INPP5D: variants seen among roughly 807,000 people sequenced by gnomAD.
INPP5D encodes phosphatidylinositol 3,4,5-trisphosphate 5-phosphatase 1.
Under a neutral mutation model 122.9 loss-of-function variants are expected in INPP5D, and 33 were observed. The ratio of observed to expected loss-of-function variants is 0.27; its 90% confidence interval spans 0.20 to 0.36. The LOEUF is 0.36. Ranked by LOEUF, INPP5D falls within the 10% of genes least tolerant of loss-of-function variation. The pLI, the probability that INPP5D is intolerant of heterozygous loss-of-function variation, is 1.00. For synonymous variants in INPP5D, 584 were observed against 576.2 expected (o/e 1.01, Z -0.19); for missense variants, 1,053 against 1,412.7 (o/e 0.75, Z 4.08).
intron 2 of INPP5D, among the ~76,000 whole-genome samples, chr2:233,108,464 T>A (rs1332502399): frequency 6.6e-6 from 1 of 152,280 alleles, no homozygotes; most frequent in East Asian, 1.9e-4. Flanking sequence ...GCATCACATA[T>A]GTGGGCGCAT....
At chr2:233,118,732 TG>T (rs1692877435) in intron 2 of INPP5D, among the ~76,000 whole-genome samples, 1 of 152,228 alleles carries the variant, frequency 6.6e-6, no homozygotes, top group African/African-American at 2.4e-5. Context: ...GTAGACCTGC[TG>T]TGTTCTTCCT....
intron 18 of INPP5D, among the ~76,000 whole-genome samples, chr2:233,180,860 G>T (rs1405419739): frequency 6.7e-6 from 1 of 150,308 alleles, no homozygotes; most frequent in African/African-American, 2.5e-5. Flanking sequence ...TTTTAGTAGA[G>T]ACGGGGTTTT....
At chr2:233,169,935 C>T (rs1376400283) in intron 14 of INPP5D, 91 bp from the exon 15 acceptor site, 8 of 1,590,682 alleles carry the variant, frequency 5.0e-6, no homozygotes, top group Admixed American at 1.7e-5. Flanking sequence ...CTATGCTCCT[C>T]GCCCCACACC....
chr2:233,182,814 C>T (rs914706089), intron 19 of INPP5D, among the ~76,000 whole-genome samples: 2 of 150,762 alleles, frequency 1.3e-5, no homozygotes, highest in Admixed American at 1.3e-4. Context: ...GAGGAGGGGG[C>T]GGGGGACATG....
At chr2:233,126,427 C>T (rs1041359894) in intron 4 of INPP5D, among the ~76,000 whole-genome samples, 23 of 152,156 alleles carry the variant, frequency 1.5e-4, no homozygotes, top group Non-Finnish European at 2.1e-4. Context: ...GGGACACATA[C>T]GCCACCGGGT....
In INPP5D at chr2:233,082,293, C is replaced by A. The variant is rs1691713201; in HGVS notation, c.198+2895C>A. Among the ~76,000 whole-genome samples, 1 of 152,154 alleles carries A rather than the reference C, an allele frequency of 6.6e-6. No individual in the cohort carries two copies. The highest frequency in any genetic ancestry group is 2.1e-4 in the South Asian group (1 of 4,832). On this transcript the variant is annotated intron_variant, in intron 2 of 26. Coordinates refer to ENST00000445964, the MANE Select transcript of INPP5D (RefSeq NM_001017915.3). This position sits in a 1 kb window ranked among gnomAD's most constrained non-coding sequence, Gnocchi z 4.7. ...TGAGGACCAAGTGCACACTCATGCC[C>A]AATTAAGCAGACTCAGAGCCCTTCG...
At chr2:233,145,837 G>A in intron 6 of INPP5D, 1 of 496,678 alleles carries the variant, frequency 2.0e-6, no homozygotes, top group South Asian at 1.6e-5. Context: ...GGAACACCAT[G>A]CAGCAGGTGT....
intron 14 of INPP5D, 141 bp downstream of exon 14, chr2:233,169,542 A>G: frequency 7.5e-7 from 1 of 1,334,094 alleles, no homozygotes; most frequent in East Asian, 2.5e-5. Context: ...GGCCCACCAC[A>G]GTCTCATCAA....
intron 2 of INPP5D, among the ~76,000 whole-genome samples, chr2:233,120,144 T>C (rs185093608): frequency 6.6e-6 from 1 of 152,322 alleles, no homozygotes; most frequent in African/African-American, 2.4e-5. Flanking sequence ...AGTGAGATCC[T>C]TGACTTCTAA....
rs1694972830 is a variant in INPP5D at position 233,188,484 on chromosome 2, T to C, written c.2359-1366T>C. Among the ~76,000 whole-genome samples the C allele has an allele frequency of 7.2e-5, 11 of 152,168 alleles. No homozygotes were observed. ...TAGCTTAGAGCCTGACATCACCTCA[T>C]GCCAGGAGCCAAGTGATAATTGGTG... On this transcript the variant is annotated intron_variant, in intron 21 of 26. Coordinates refer to ENST00000445964, the MANE Select transcript of INPP5D (RefSeq NM_001017915.3). The surrounding 1 kb of genome is among the most constrained non-coding windows in gnomAD (Gnocchi z 4.7).
Position 233,170,945 on chromosome 2 carries a change from A to T in INPP5D, c.1901-119A>T. On this transcript the variant is annotated intron_variant, in intron 16 of 26. Transcript: ENST00000445964. The surrounding 1 kb of genome is among the most constrained non-coding windows in gnomAD (Gnocchi z 4.5). ...AAAAAGCAGCAGCCTCTCCTCTTGG[A>T]GCCTTTCCAGCCATCCTTTCGTCCC... is the stretch of plus-strand genomic sequence containing the variant. 1.8e-6 allele frequency: 2 copies of T among 1,137,336 alleles called. No homozygotes were observed. The highest frequency in any genetic ancestry group is 2.5e-6 in the Non-Finnish European group (2 of 811,158). The allele number at this position is 1,137,336 out of a possible 1,614,324, so 70.5% of individuals were successfully genotyped here. A position where few individuals can be genotyped will look rare whatever the true frequency, so the allele number is the denominator to read the frequency against.
chr2:233,128,290 C>T lies in INPP5D; in HGVS notation c.525-2218C>T, dbSNP rs1179477616. On this transcript the variant is annotated intron_variant, in intron 4 of 26. Transcript: ENST00000445964. The surrounding 1 kb of genome is among the most constrained non-coding windows in gnomAD (Gnocchi z 4.5). ...GTGGAATAATTGTCTTCCACAAAACCGGTCCCTTGTGCCAAAAAGGTTGGG... is the reference window on the plus strand; with the variant it reads ...GTGGAATAATTGTCTTCCACAAAACTGGTCCCTTGTGCCAAAAAGGTTGGG... Among the ~76,000 whole-genome samples the T allele has an allele frequency of 6.6e-6, 1 of 152,192 alleles. No homozygotes were observed. The highest frequency in any genetic ancestry group is 6.5e-5 in the Admixed American group (1 of 15,274).
intron 2 of INPP5D, among the ~76,000 whole-genome samples, chr2:233,081,666 T>A: frequency 6.6e-6 from 1 of 152,162 alleles, no homozygotes; most frequent in East Asian, 1.9e-4. Flanking sequence ...GAAACTCGCC[T>A]TGGCTGACTC....
Position 233,160,544 on chromosome 2 carries a change from C to T in INPP5D, c.1138-1180C>T, listed in dbSNP as rs1056738385. On this transcript the variant is annotated intron_variant, in intron 10 of 26. Transcript: ENST00000445964. The surrounding 1 kb of genome is among the most constrained non-coding windows in gnomAD (Gnocchi z 4.2). The stretch of plus-strand genomic sequence containing the variant: ...AGCAAATGTTTAAAATAAAAACACT[C>T]GTATACCATGAGTTAATCTGGGACT... 2.0e-5 allele frequency among the ~76,000 whole-genome samples: 3 copies of T among 152,230 alleles called. No homozygotes were observed. Among genetic ancestry groups the T allele is most frequent in the South Asian group, 2.1e-4 (1 of 4,834 alleles).
chr2:233,095,183 C>A (rs1692103558), intron 2 of INPP5D, among the ~76,000 whole-genome samples: 2 of 152,130 alleles, frequency 1.3e-5, no homozygotes, highest in African/African-American at 4.8e-5. Flanking sequence ...AAAAAAGTTG[C>A]AGGGTGATAT....
At chr2:233,080,274 C>T (rs187044868) in intron 2 of INPP5D, among the ~76,000 whole-genome samples, 7 of 152,268 alleles carry the variant, frequency 4.6e-5, no homozygotes, top group Admixed American at 2.0e-4. Flanking sequence ...CGTCCAAGCC[C>T]GGGAAGGCCA....
chr2:233,173,767 T>G (rs1015607410), intron 17 of INPP5D, among the ~76,000 whole-genome samples: 21 of 152,060 alleles, frequency 1.4e-4, no homozygotes, highest in Non-Finnish European at 1.6e-4. Context: ...CTCTTGTCTC[T>G]ACTAAAAATA....
At position 233,099,964 on chromosome 2, in the gene INPP5D, C is replaced by T. The variant is rs371417128; in HGVS notation, c.198+20566C>T. Among the ~76,000 whole-genome samples the T allele has an allele frequency of 2.5e-4, 38 of 152,282 alleles. No individual in the cohort carries two copies. The East Asian group carries it at 3.5e-3, about 14-fold the overall frequency. On this transcript the variant is annotated intron_variant, in intron 2 of 26. Transcript: ENST00000445964. ...CAGACAAGAGAAGAATGAGCTTGTG[C>T]AGTCAAACTCCCATTTCTAAAGCCA...
intron 2 of INPP5D, among the ~76,000 whole-genome samples, chr2:233,080,051 T>A (rs561079418): frequency 6.0e-4 from 92 of 152,296 alleles, no homozygotes; most frequent in Admixed American, 1.5e-3. Flanking sequence ...TGCCTCAGTC[T>A]CCCTAGTAGC....
Sources: gnomAD v4.1 joint callset for allele counts (sites outside exome capture counted in the v4.1 genomes callset) on GRCh38, gnomAD v4.1.1 for gene constraint, Gnocchi (gnomAD v3.1) non-coding constraint, MANE v1.5 for transcripts, NCBI Gene and HGNC (gene_info 2026-07-23, HGNC 2026-07-21) for gene names.